Variants in MTOR observed in about 807,000 individuals in gnomAD.
MTOR encodes serine/threonine-protein kinase mTOR.
MTOR carries 70 observed loss-of-function variants against 319.8 expected under a neutral mutation model. The ratio of observed to expected loss-of-function variants is 0.22; its 90% CI spans 0.18 to 0.27. The LOEUF (loss-of-function observed/expected upper bound fraction) is 0.27, where lower values mean the gene tolerates loss of function less well. MTOR is among the 10% of genes least tolerant of loss of function. MTOR has a pLI of 1.00. For missense variants in MTOR, 1,890 were observed against 3,274.4 expected, an observed-to-expected ratio of 0.58 and a Z score of 10.32; for synonymous variants, 1,183 against 1,211.4, an observed-to-expected ratio of 0.98 and a Z score of 0.49.
At chr1:11,147,829 A>G (rs1012971727) in intron 31 of MTOR, among the ~76,000 whole-genome samples, 1 of 152,182 alleles carries the variant, frequency 6.6e-6, no homozygotes, top group Non-Finnish European at 1.5e-5. Flanking sequence ...TCTGGAACAC[A>G]TATTGATAAT....
At chr1:11,215,131 G>C (rs1303708100) in intron 20 of MTOR, among the ~76,000 whole-genome samples, 3 of 152,166 alleles carry the variant, frequency 2.0e-5, no homozygotes, top group African/African-American at 7.2e-5. Context: ...TCATCAACCT[G>C]TTATGACTAT....
At chr1:11,118,156 T>C (rs975699455) in intron 49 of MTOR, among the ~76,000 whole-genome samples, 7 of 151,898 alleles carry the variant, frequency 4.6e-5, no homozygotes, top group Admixed American at 1.3e-4. Flanking sequence ...ATGAATTATT[T>C]GGCCAACAGT....
At chr1:11,209,500 G>C (rs753113031) in intron 24 of MTOR, 42 bp from the exon 25 acceptor site, 2 of 1,608,228 alleles carry the variant, frequency 1.2e-6, no homozygotes, top group Non-Finnish European at 1.7e-6. Flanking sequence ...AACTCTACTA[G>C]ATGCTTCTGG....
chr1:11,153,940 A>G (rs1644231150), intron 30 of MTOR, among the ~76,000 whole-genome samples: 1 of 151,348 alleles, frequency 6.6e-6, no homozygotes, highest in South Asian at 2.1e-4. Context: ...GTGGTGGTGC[A>G]TGCCTGTAAT....
intron 29 of MTOR, among the ~76,000 whole-genome samples, chr1:11,162,408 C>T (rs149681988): frequency 0.059 from 8,983 of 152,236 alleles, 378 homozygotes; most frequent in South Asian, 0.12. Context: ...GGCAGGCCAA[C>T]ATTCAAATTC....
intron 36 of MTOR, 63 bp downstream of exon 36, chr1:11,139,241 C>A (rs758786955): frequency 1.3e-6 from 2 of 1,538,544 alleles, no homozygotes; most frequent in African/African-American, 1.4e-5. Context: ...AGAGGCAGAG[C>A]GAAGCAGATT....
intron 26 of MTOR, among the ~76,000 whole-genome samples, chr1:11,202,462 A>AT (rs530484103): frequency 1.3e-5 from 2 of 149,560 alleles, no homozygotes; most frequent in African/African-American, 2.4e-5. Flanking sequence ...TTAAAACAAT[A>AT]TTTTTTTTGG....
chr1:11,258,734 A>G lies in MTOR; in HGVS notation c.163-141T>C, dbSNP rs1199311219. 1.8e-5 allele frequency: 11 copies of G among 616,462 alleles called. No homozygotes were observed. The East Asian group carries it at 3.0e-4, about 17-fold the overall frequency. 38.2% of individuals were successfully genotyped at this position (616,462 alleles called of 1,614,324 possible). A position where few individuals can be genotyped will look rare whatever the true frequency, so the allele number is the denominator to read the frequency against. ...AGAAGACAAGTTACTGCCCATTTCT[A>G]TAGGATTACACTGTAGAGTACCTGA... On this transcript the variant is annotated intron_variant, in intron 2 of 57. Coordinates refer to ENST00000361445, the MANE Select transcript of MTOR (RefSeq NM_004958.4).
chr1:11,255,012 C>T (rs1650175167), intron 5 of MTOR, among the ~76,000 whole-genome samples: 1 of 152,128 alleles, frequency 6.6e-6, no homozygotes, highest in Non-Finnish European at 1.5e-5. Flanking sequence ...AATCCTCCTG[C>T]CTTGGCCTCC....
Position 11,146,762 on chromosome 1 carries a change from AGGT to A in MTOR, c.4597_4599del (p.Thr1533del). 1 of 1,614,142 alleles carries A rather than the reference AGGT, an allele frequency of 6.2e-7. No homozygotes were observed. Among genetic ancestry groups the A allele is most frequent in the Non-Finnish European group, 8.5e-7 (1 of 1,179,970 alleles). On this transcript the variant is annotated inframe_deletion, in exon 32 of 58. Transcript: ENST00000361445. ...TCATGGGTGTCCCGAGGGATCATAC[AGGT>A]GTATTCTTCCATGCTGTCCCACTGA...
intron 19 of MTOR, 139 bp downstream of exon 19, chr1:11,228,529 A>C: frequency 8.7e-7 from 1 of 1,155,224 alleles, no homozygotes; most frequent in Non-Finnish European, 1.2e-6. Context: ...TGTACACTTT[A>C]TATGTTGGGA....
chr1:11,218,160 G>A (rs761080458), intron 19 of MTOR, among the ~76,000 whole-genome samples: 4 of 152,060 alleles, frequency 2.6e-5, no homozygotes, highest in South Asian at 4.1e-4. Flanking sequence ...GGCCGGGCGC[G>A]GTGGTTCACG....
intron 28 of MTOR, among the ~76,000 whole-genome samples, chr1:11,172,908 T>C (rs1644867709): frequency 2.0e-5 from 3 of 148,110 alleles, no homozygotes; most frequent in Non-Finnish European, 4.5e-5. Context: ...TCATGAAAAA[T>C]GAACACTCTC....
At chr1:11,130,975 A>G (rs1643119996) in intron 38 of MTOR, 198 bp from the exon 39 acceptor site, 1 of 671,496 alleles carries the variant, frequency 1.5e-6, no homozygotes, top group East Asian at 2.7e-5. Flanking sequence ...AGCACTAACT[A>G]TATAACGTAC....
rs2100746839 is a variant in MTOR, at chr1:11,199,649, T to C, written c.3999A>G (p.Gln1333=). 6.2e-7 allele frequency: 1 copy of C among 1,614,174 alleles called. No individual in the cohort carries two copies. The highest frequency in any genetic ancestry group is 8.5e-7 in the Non-Finnish European group (1 of 1,180,014). ...VSCWSELNED[Q]QDELIRSIEL... ...CGATGCTTCTGATGAGCTCATCCTG[T>C]TGATCTTCATTCAGTTCAGACCAGC... Residue 1333 remains glutamine, a synonymous_variant, in exon 27 of 58, where the codon CAA becomes CAG. Coordinates refer to ENST00000361445, the MANE Select transcript of MTOR (RefSeq NM_004958.4). The surrounding 1 kb of genome is among the most constrained non-coding windows in gnomAD (Gnocchi z 4.5).
rs1274149949 is a variant in MTOR, at chr1:11,257,154, C to T, written c.283G>A (p.Gly95Arg). 2 of 1,612,622 alleles carry T rather than the reference C, an allele frequency of 1.2e-6. No homozygotes were observed. Among genetic ancestry groups the T allele is most frequent in the Non-Finnish European group, 1.7e-6 (2 of 1,179,344 alleles). Residue 95 changes from glycine to arginine, a missense_variant, in exon 4 of 58, where the codon GGA becomes AGA. Gly to Arg is a moderately radical substitution (Grantham distance 125). Around this residue, in one of 15 missense-constraint regions of MTOR, gnomAD observed 81 missense variants for 203.6 expected, o/e 0.40. Coordinates refer to ENST00000361445, the MANE Select transcript of MTOR (RefSeq NM_004958.4). ...CGGGTGGCATTCCCACCTTCCACTC[C>T]TATGAGGCTAGCTGCAAAAGAGAGG... ...GGILAIASLIGVEGGNATRIG... is the reference protein window; with the variant it reads ...GGILAIASLIRVEGGNATRIG...
intron 29 of MTOR, among the ~76,000 whole-genome samples, chr1:11,163,359 C>G (rs1644538617): frequency 6.6e-6 from 1 of 152,146 alleles, no homozygotes; most frequent in Non-Finnish European, 1.5e-5. Context: ...ACCCCACTGT[C>G]AACATTAGAC....
At chr1:11,191,812 G>C (rs1234876856) in intron 28 of MTOR, among the ~76,000 whole-genome samples, 2 of 152,100 alleles carry the variant, frequency 1.3e-5, no homozygotes, top group Admixed American at 6.5e-5. Flanking sequence ...CACCATCTCT[G>C]AACAACAACA....
At chr1:11,116,245 A>G (rs1642160655) in intron 50 of MTOR, among the ~76,000 whole-genome samples, 1 of 152,222 alleles carries the variant, frequency 6.6e-6, no homozygotes, top group Admixed American at 6.5e-5. Context: ...TACAGAAATA[A>G]AATGATTTAT....
Sources: gnomAD v4.1 joint callset for allele counts (sites outside exome capture counted in the v4.1 genomes callset) on GRCh38, gnomAD v4.1.1 for gene constraint, gnomAD v4.1.1 regional missense constraint, Gnocchi (gnomAD v3.1) non-coding constraint, MANE v1.5 for transcripts, NCBI Gene and HGNC (gene_info 2026-07-23, HGNC 2026-07-21) for gene names.